The following NFAT5 variants were observed in gnomAD, a reference collection of about 807,000 sequenced individuals.
The protein encoded by NFAT5 is nuclear factor of activated T-cells 5.
In NFAT5, 31 loss-of-function variants were observed where a neutral mutation model predicts 166.5. That is an observed-to-expected ratio of 0.19 (90% CI 0.14 to 0.25). The LOEUF is 0.25. NFAT5 is among the 10% of genes least tolerant of loss of function. The pLI is 1.00. For missense variants in NFAT5, 1,449 were observed against 1,821.8 expected (o/e 0.80, Z 3.72); for synonymous variants, 612 against 639.7 (o/e 0.96, Z 0.65).
At chr16:69,575,555 C>T (rs1333840725) in intron 2 of NFAT5, among the ~76,000 whole-genome samples, 5 of 151,952 alleles carry the variant, frequency 3.3e-5, no homozygotes, top group Non-Finnish European at 5.9e-5. Context: ...TGCATTGAGC[C>T]TGCATGATCA....
At position 69,701,537 on chromosome 16, in the gene NFAT5, T is replaced by A. The variant is rs2037898793; in HGVS notation, c.*5186T>A. The A allele has an allele frequency of 6.6e-6, 1 of 152,664 alleles. No homozygotes were observed. The highest frequency in any genetic ancestry group is 1.5e-5 in the Non-Finnish European group (1 of 68,040). The allele number at this position is 152,664 out of a possible 1,614,324, so 9.5% of individuals were successfully genotyped here. A position where few individuals can be genotyped will look rare whatever the true frequency, so the allele number is the denominator to read the frequency against. On this transcript the variant is annotated 3_prime_UTR_variant, in exon 15 of 15. Transcript: ENST00000349945. ...AAGAATAAAAGAAAAGGTACATTGC[T>A]AGAATTGTTTCTTTGGGAGAGGGTA... is the stretch of plus-strand genomic sequence containing the variant.
At chr16:69,573,977 T>C (rs190339789) in intron 2 of NFAT5, among the ~76,000 whole-genome samples, 1 of 151,730 alleles carries the variant, frequency 6.6e-6, no homozygotes, top group African/African-American at 2.4e-5. Context: ...GTTCAAGCGA[T>C]TTCCCTGCCT....
rs1468192114 is a variant in NFAT5, at chr16:69,695,164, A to C, written c.4443A>C (p.Pro1481=). ...GTAGTCAGCTTTTAACCTCTGGACC[A>C]GCTACATTGCCTGATCAGTTGATGG... ...NNCSQLLTSG[P]ATLPDQLMAI... is the part of the protein sequence containing the mutation. Residue 1481 remains proline (P), a synonymous_variant, in exon 14 of 15, where the codon CCA becomes CCC. Transcript: ENST00000349945. 1.5e-5 allele frequency: 25 copies of C among 1,614,080 alleles called. No homozygotes were observed. Among genetic ancestry groups the C allele is most frequent in the Non-Finnish European group, 2.0e-5 (24 of 1,180,032 alleles).
chr16:69,589,120 G>A (rs1302592682), intron 2 of NFAT5, among the ~76,000 whole-genome samples: 2 of 148,330 alleles, frequency 1.3e-5, no homozygotes, highest in South Asian at 2.2e-4. Context: ...TCAGCCTCCC[G>A]AGTAGCTGGG....
chr16:69,585,181 T>G (rs11642115), intron 2 of NFAT5, among the ~76,000 whole-genome samples: 39,303 of 151,594 alleles, frequency 0.26, 5,544 homozygotes, highest in East Asian at 0.45. Context: ...TTATTTTTTT[T>G]TGTATTTTTA....
At chr16:69,602,510 C>T (rs1439165882) in intron 2 of NFAT5, among the ~76,000 whole-genome samples, 3 of 151,502 alleles carry the variant, frequency 2.0e-5, no homozygotes, top group African/African-American at 2.4e-5. Flanking sequence ...TCAGGTGATC[C>T]GCCACCTCAG....
At chr16:69,590,824 A>G (rs185109908) in intron 2 of NFAT5, among the ~76,000 whole-genome samples, 233 of 152,306 alleles carry the variant, frequency 1.5e-3, no homozygotes, top group Middle Eastern at 3.4e-3. Flanking sequence ...TTAGAGTGAG[A>G]TAAGAGACAA....
At chr16:69,580,639 G>A (rs1011132868) in intron 2 of NFAT5, among the ~76,000 whole-genome samples, 1 of 152,054 alleles carries the variant, frequency 6.6e-6, no homozygotes, top group East Asian at 1.9e-4. Flanking sequence ...AGTATCCATG[G>A]GTTTTAGGAT....
intron 9 of NFAT5, among the ~76,000 whole-genome samples, chr16:69,675,512 T>C (rs1342292975): frequency 1.3e-5 from 2 of 152,264 alleles, no homozygotes; most frequent in Non-Finnish European, 2.9e-5. Context: ...TCCTGCCTTA[T>C]AACTGTGGAT....
Position 69,703,600 on chromosome 16 carries a change from A to C in NFAT5, c.*7249A>C, listed in dbSNP as rs2037934301. ...AAATTCACATATCAGAATAAAAATA[A>C]ATGTATACTCACTTTATAAAAATCA... On this transcript the variant is annotated 3_prime_UTR_variant, in exon 15 of 15. Transcript: ENST00000349945. 1 of 152,616 alleles carries C rather than the reference A, an allele frequency of 6.6e-6. No individual in the cohort carries two copies. Among genetic ancestry groups the C allele is most frequent in the African/African-American group, 2.4e-5 (1 of 41,444 alleles). The allele number at this position is 152,616 out of a possible 1,614,324, so 9.5% of individuals were successfully genotyped here.
intron 2 of NFAT5, among the ~76,000 whole-genome samples, chr16:69,626,121 A>T (rs971927914): frequency 1.3e-5 from 2 of 151,724 alleles, no homozygotes; most frequent in African/African-American, 4.8e-5. Context: ...TTAAAAAAAA[A>T]AAAAAAACCT....
chr16:69,608,756 A>G (rs1296385514), intron 2 of NFAT5, among the ~76,000 whole-genome samples: 1 of 150,694 alleles, frequency 6.6e-6, no homozygotes, highest in East Asian at 2.0e-4. Flanking sequence ...CTGGGACTAC[A>G]GGTGCCTGCC....
intron 7 of NFAT5, among the ~76,000 whole-genome samples, chr16:69,667,548 G>T (rs1056187036): frequency 6.7e-6 from 1 of 149,138 alleles, no homozygotes; most frequent in African/African-American, 2.5e-5. Flanking sequence ...ATGTAAATAC[G>T]AATATGTAGA....
intron 3 of NFAT5, among the ~76,000 whole-genome samples, chr16:69,644,019 C>CT (rs753672833): frequency 7.2e-5 from 11 of 152,206 alleles, no homozygotes; most frequent in Non-Finnish European, 1.2e-4. Context: ...GGTGTGGTGG[C>CT]TCACGCTTAT....
chr16:69,599,612 G>A (rs11640319), intron 2 of NFAT5, among the ~76,000 whole-genome samples: 82,861 of 151,976 alleles, frequency 0.55, 24,044 homozygotes, highest in East Asian at 0.82. Flanking sequence ...AAATAAAGCA[G>A]GGTTAGGAGG....
At chr16:69,645,624 A>G (rs2035407056) in intron 3 of NFAT5, among the ~76,000 whole-genome samples, 1 of 152,172 alleles carries the variant, frequency 6.6e-6, no homozygotes, top group South Asian at 2.1e-4. Context: ...TGCTCTTTAT[A>G]TTATAATTGA....
intron 7 of NFAT5, among the ~76,000 whole-genome samples, chr16:69,660,419 G>A (rs1161216948): frequency 6.6e-6 from 1 of 152,120 alleles, no homozygotes; most frequent in African/African-American, 2.4e-5. Flanking sequence ...AGCAGACTGC[G>A]ACTGTCTCAA....
intron 2 of NFAT5, among the ~76,000 whole-genome samples, chr16:69,574,777 TC>T (rs1259853669): frequency 6.6e-6 from 1 of 151,936 alleles, no homozygotes; most frequent in Non-Finnish European, 1.5e-5. Context: ...CAAGCAATTC[TC>T]CCACCAGAGC....
intron 2 of NFAT5, among the ~76,000 whole-genome samples, chr16:69,589,708 A>G (rs2032339009): frequency 6.6e-6 from 1 of 152,058 alleles, no homozygotes. Context: ...TCTCAACCCA[A>G]GAATTTTAAA....
Sources: allele counts gnomAD v4.1 joint callset (sites outside exome capture counted in the v4.1 genomes callset), GRCh38; gene constraint gnomAD v4.1.1; transcripts MANE v1.5; gene names NCBI Gene and HGNC (gene_info 2026-07-23, HGNC 2026-07-21).